Variants in ACSL3 observed in about 807,000 individuals in gnomAD.
The protein encoded by ACSL3 is fatty acid CoA ligase Acsl3.
In ACSL3, 34 loss-of-function variants were observed where a neutral mutation model predicts 84.7. The observed-to-expected ratio is 0.40, with a 90% CI of 0.31 to 0.53. ACSL3 has a LOEUF of 0.53. Ranked by LOEUF, ACSL3 falls within the 20% of genes least tolerant of loss-of-function variation. The pLI is 0.48. For missense variants in ACSL3, 680 were observed against 873.1 expected, an observed-to-expected ratio of 0.78 and a Z score of 2.79; for synonymous variants, 315 against 299.4, an observed-to-expected ratio of 1.05 and a Z score of -0.54.
rs369775071 is a variant in ACSL3 at position 222,898,701 on chromosome 2, C to T, written c.-147-1973C>T. ...AATTAGCCGGGCGCAGTGGCGGGCG[C>T]CTGTAGTCCCAGCTACTCGGGAGGC... On this transcript the variant is annotated intron_variant, in intron 2 of 16. Coordinates refer to ENST00000357430, the MANE Select transcript of ACSL3 (RefSeq NM_004457.5). 3.8e-3 allele frequency among the ~76,000 whole-genome samples: 583 copies of T among 152,260 alleles called. 2 individuals carry two copies. Among genetic ancestry groups the T allele is most frequent in the Middle Eastern group, 0.02 (6 of 294 alleles).
chr2:222,863,645 T>G (rs1159501601), intron 1 of ACSL3, among the ~76,000 whole-genome samples: 1 of 152,202 alleles, frequency 6.6e-6, no homozygotes, highest in Admixed American at 6.5e-5. Flanking sequence ...TGATAGGCTT[T>G]TAAAACAACG....
chr2:222,861,274 G>C lies in ACSL3; in HGVS notation c.-207+16G>C, dbSNP rs1470865642. 1 of 152,250 alleles carries C rather than the reference G, an allele frequency of 6.6e-6. No homozygotes were observed. The highest frequency in any genetic ancestry group is 1.5e-5 in the Non-Finnish European group (1 of 68,188). The allele number at this position is 152,250 out of a possible 1,614,324, so 9.4% of individuals were successfully genotyped here. On this transcript the variant is annotated intron_variant, in intron 1 of 16. Transcript: ENST00000357430. Reference sequence around the variant, plus strand: ...CGGCGTAGCGGTGAGTGCGGCGCCGGTTGTGGGAGCGGCGGGAGCCGGTTG... The same window carrying C: ...CGGCGTAGCGGTGAGTGCGGCGCCGCTTGTGGGAGCGGCGGGAGCCGGTTG...
At chr2:222,878,037 C>T (rs1695496129) in intron 1 of ACSL3, among the ~76,000 whole-genome samples, 1 of 152,202 alleles carries the variant, frequency 6.6e-6, no homozygotes, top group African/African-American at 2.4e-5. Flanking sequence ...AAGAAAGATA[C>T]TGTGCTTTAT....
intron 1 of ACSL3, among the ~76,000 whole-genome samples, chr2:222,870,235 A>G (rs1695263828): frequency 6.6e-6 from 1 of 150,634 alleles, no homozygotes; most frequent in Non-Finnish European, 1.5e-5. Flanking sequence ...CCTGTGCCAT[A>G]TTTATTTCTT....
At chr2:222,899,424 G>A (rs1351779197) in intron 2 of ACSL3, among the ~76,000 whole-genome samples, 1 of 152,084 alleles carries the variant, frequency 6.6e-6, no homozygotes, top group Non-Finnish European at 1.5e-5. Flanking sequence ...GCAGTGAGCC[G>A]AGATCGCATC....
chr2:222,924,941 G>A (rs113599711), intron 11 of ACSL3, among the ~76,000 whole-genome samples: 3,757 of 152,022 alleles, frequency 0.025, 130 homozygotes, highest in African/African-American at 0.079. Context: ...CAGGAGAATG[G>A]TGCGAACCCA....
In ACSL3 at chr2:222,918,958, G is replaced by T. The variant is rs1696656839; in HGVS notation, c.667-106G>T. 3.7e-6 allele frequency: 5 copies of T among 1,357,752 alleles called. No homozygotes were observed. In the Admixed American group the frequency reaches 1.3e-4, roughly 35 times the overall value. The allele number at this position is 1,357,752 out of a possible 1,614,324, so 84.1% of individuals were successfully genotyped here. A position where few individuals can be genotyped will look rare whatever the true frequency, so the allele number is the denominator to read the frequency against. On this transcript the variant is annotated intron_variant, in intron 6 of 16. Coordinates refer to ENST00000357430, the MANE Select transcript of ACSL3 (RefSeq NM_004457.5). ...GTGTACCCTTTCTTCTTTCTTTTTT[G>T]AGGCAAGAAATTACTTAATGATTCA...
At chr2:222,863,774 G>T (rs1695069884) in intron 1 of ACSL3, among the ~76,000 whole-genome samples, 1 of 152,044 alleles carries the variant, frequency 6.6e-6, no homozygotes, top group South Asian at 2.1e-4. Context: ...AATATAGATT[G>T]TTAAAAATAT....
chr2:222,899,633 G>A (rs1032539595), intron 2 of ACSL3, among the ~76,000 whole-genome samples: 1 of 152,146 alleles, frequency 6.6e-6, no homozygotes, highest in Non-Finnish European at 1.5e-5. Flanking sequence ...AGAACATAAA[G>A]TGGCGCAAGA....
At chr2:222,898,631 G>T (rs552667165) in intron 2 of ACSL3, among the ~76,000 whole-genome samples, 1 of 152,240 alleles carries the variant, frequency 6.6e-6, no homozygotes, top group African/African-American at 2.4e-5. Context: ...AGACCATCCC[G>T]GCTAACACAG....
Position 222,908,758 on chromosome 2 carries a change from A to G in ACSL3, c.-15A>G, listed in dbSNP as rs764951469. 3.2e-6 allele frequency: 5 copies of G among 1,564,866 alleles called. No individual in the cohort carries two copies. Among genetic ancestry groups the G allele is most frequent in the East Asian group, 2.3e-5 (1 of 43,302 alleles). ...ATTCTCGCTGAAGTCTGTTAATTCTACTTTTTGAGTACTTATGAATAACCA... is the reference window on the plus strand; with the variant it reads ...ATTCTCGCTGAAGTCTGTTAATTCTGCTTTTTGAGTACTTATGAATAACCA... On this transcript the variant is annotated 5_prime_UTR_variant, in exon 4 of 17. Transcript: ENST00000357430.
Position 222,917,944 on chromosome 2 carries a change from T to G in ACSL3, c.557-102T>G. The G allele has an allele frequency of 3.8e-6, 3 of 798,716 alleles. No individual in the cohort carries two copies. The Admixed American group carries it at 6.6e-5, about 17-fold the overall frequency. The allele number at this position is 798,716 out of a possible 1,614,324, so 49.5% of individuals were successfully genotyped here. ...CTTATAGACTGTGGATTTAACAGTT[T>G]AGGGCTCCTAATGCGTTATTATGAT... On this transcript the variant is annotated intron_variant, in intron 5 of 16. Coordinates refer to ENST00000357430, the MANE Select transcript of ACSL3 (RefSeq NM_004457.5).
intron 1 of ACSL3, among the ~76,000 whole-genome samples, chr2:222,871,965 C>G (rs112661446): frequency 6.6e-6 from 1 of 151,862 alleles, no homozygotes; most frequent in African/African-American, 2.4e-5. Flanking sequence ...CCCCCACCCC[C>G]GACTCCCTTG....
At chr2:222,921,480 T>C (rs749993660) in intron 8 of ACSL3, 50 bp downstream of exon 8, 10 of 1,487,564 alleles carry the variant, frequency 6.7e-6, no homozygotes, top group South Asian at 1.4e-5. Context: ...ATGTCTGTTA[T>C]AATGTTAGCA....
In ACSL3 at chr2:222,943,730, A is replaced by G. The variant is rs1697387317; in HGVS notation, c.*2076A>G. 1 of 152,164 alleles carries G rather than the reference A, an allele frequency of 6.6e-6. No individual in the cohort carries two copies. Among genetic ancestry groups the G allele is most frequent in the Middle Eastern group, 3.2e-3 (1 of 316 alleles). The allele number at this position is 152,164 out of a possible 1,614,324, so 9.4% of individuals were successfully genotyped here. A position where few individuals can be genotyped will look rare whatever the true frequency, so the allele number is the denominator to read the frequency against. On this transcript the variant is annotated 3_prime_UTR_variant, in exon 17 of 17. Transcript: ENST00000357430. Reference sequence around the variant, plus strand: ...TTTTAAACAAATTTGTCTGTAAGCAAAACTATCTTTAGTGACTTAAAAAAT... The same window carrying G: ...TTTTAAACAAATTTGTCTGTAAGCAGAACTATCTTTAGTGACTTAAAAAAT...
intron 2 of ACSL3, among the ~76,000 whole-genome samples, chr2:222,898,475 A>G (rs1696048513): frequency 6.6e-6 from 1 of 152,234 alleles, no homozygotes; most frequent in South Asian, 2.1e-4. Context: ...GTATTGGGGC[A>G]GTAAGGAACA....
rs58567926 is a variant in ACSL3 at position 222,943,251 on chromosome 2, A to ATTC, written c.*1599_*1600insCTT. The ATTC allele has an allele frequency of 0.83, 174,289 of 210,884 alleles. 72,607 individuals are homozygous for ATTC. Among genetic ancestry groups the ATTC allele is most frequent in the East Asian group, 0.98 (13,737 of 14,030 alleles). The allele number at this position is 210,884 out of a possible 1,614,324, so 13.1% of individuals were successfully genotyped here. On this transcript the variant is annotated 3_prime_UTR_variant, in exon 17 of 17. Transcript: ENST00000357430. ...GTTTTTTGTTTTCAACTTTTCTTGT[A>ATTC]TTGTATATTTGTATTATGTTTTGAA... is the stretch of plus-strand genomic sequence containing the variant.
At chr2:222,900,852 C>G (rs1696125464) in intron 3 of ACSL3, 72 bp downstream of exon 3, 1 of 152,174 alleles carries the variant, frequency 6.6e-6, no homozygotes, top group Non-Finnish European at 1.5e-5. Flanking sequence ...ACATTGTCTT[C>G]TACAGATAGT....
intron 1 of ACSL3, among the ~76,000 whole-genome samples, chr2:222,881,058 A>G (rs571253978): frequency 3.9e-5 from 6 of 152,198 alleles, no homozygotes; most frequent in Non-Finnish European, 7.3e-5. Context: ...TGTTCAGAAG[A>G]CATGCCTTGA....
Sources: allele counts gnomAD v4.1 joint callset (sites outside exome capture counted in the v4.1 genomes callset), GRCh38; gene constraint gnomAD v4.1.1; transcripts MANE v1.5; gene names NCBI Gene and HGNC (gene_info 2026-07-23, HGNC 2026-07-21).